The following N4BP2L2 variants were observed in gnomAD, a reference collection of about 807,000 sequenced individuals.
N4BP2L2 encodes the protein NEDD4-binding protein 2-like 2.
N4BP2L2 carries 50 observed loss-of-function variants against 56.2 expected under a neutral mutation model. The observed-to-expected ratio is 0.89, with a 90% CI of 0.71 to 1.13. The LOEUF (loss-of-function observed/expected upper bound fraction) is 1.13, where lower values mean the gene tolerates loss of function less well. N4BP2L2 is among the 50% of genes most tolerant of loss of function. N4BP2L2 has a pLI of 0.00. For missense variants in N4BP2L2, 689 were observed against 693.8 expected, an observed-to-expected ratio of 0.99 and a Z score of 0.08; for synonymous variants, 203 against 223.6, an observed-to-expected ratio of 0.91 and a Z score of 0.82.
chr13:32,529,718 T>A (rs1308760789), intron 2 of N4BP2L2, among the ~76,000 whole-genome samples: 7 of 150,408 alleles, frequency 4.7e-5, no homozygotes, highest in Non-Finnish European at 1.0e-4. Flanking sequence ...TAGCAGGTCA[T>A]TTCTTTTCTT....
upstream of N4BP2L2, chr13:32,538,834 G>A (rs1416913933): frequency 1.5e-5 from 15 of 985,476 alleles, no homozygotes; most frequent in South Asian, 6.6e-4. Context: ...CTAGGCGTTT[G>A]CGCCAGGCAT....
chr13:32,454,556 C>A (rs1342276939), intron 6 of N4BP2L2, among the ~76,000 whole-genome samples: 4 of 152,156 alleles, frequency 2.6e-5, no homozygotes, highest in Non-Finnish European at 4.4e-5. Flanking sequence ...TAGGAACAAT[C>A]ATTGACAAAG....
intron 4 of N4BP2L2, 185 bp from the exon 5 acceptor site, chr13:32,521,634 T>A (rs1444433476): frequency 1.4e-5 from 7 of 500,158 alleles, no homozygotes; most frequent in Non-Finnish European, 7.1e-6. Context: ...TTGATTACTA[T>A]TCTCAAGGAA....
At chr13:32,538,711 C>A (rs2057256680) in exon 1 of N4BP2L2, 1 of 985,440 alleles carries the variant, frequency 1.0e-6, no homozygotes. Flanking sequence ...AAAGCGGAGA[C>A]AGCACTAAAG....
At chr13:32,478,974 A>G (rs992009904) in intron 6 of N4BP2L2, 1 of 152,074 alleles carries the variant, frequency 6.6e-6, no homozygotes, top group African/African-American at 2.4e-5. Context: ...TACTAACAAT[A>G]CAAAAAAGAA....
Position 32,536,827 on chromosome 13 carries a change from A to C in N4BP2L2, c.201T>G (p.Tyr67Ter), listed in dbSNP as rs1356736561. ...TAGTTTTGATTTTGTTCTCCTGCAA[A>C]TAACTATGTCCTCTGACATCAATGA... Residue 67 changes from tyrosine to a stop codon, truncating the protein, a stop_gained, in exon 2 of 6, where the codon TAT becomes TAG. Transcript: ENST00000267068. LOFTEE classifies it high-confidence loss of function. The C allele has an allele frequency of 6.2e-7, 1 of 1,614,068 alleles. No individual in the cohort carries two copies. The highest frequency in any genetic ancestry group is 1.1e-5 in the South Asian group (1 of 91,076).
At chr13:32,479,840 C>T (rs982681498) in intron 6 of N4BP2L2, among the ~76,000 whole-genome samples, 4 of 151,562 alleles carry the variant, frequency 2.6e-5, no homozygotes, top group African/African-American at 7.3e-5. Flanking sequence ...AGAAGATCAA[C>T]AGACATATAA....
chr13:32,444,058 T>G, exon 7 of N4BP2L2: 1 of 1,595,182 alleles, frequency 6.3e-7, no homozygotes, highest in Non-Finnish European at 8.5e-7. Context: ...CTGCTTTTTG[T>G]TTCTTTTTCT....
chr13:32,446,213 G>A (rs1180209328), intron 6 of N4BP2L2: 2 of 455,610 alleles, frequency 4.4e-6, no homozygotes, highest in Non-Finnish European at 7.6e-6. Context: ...TGCTGCCCTT[G>A]TTTACACATT....
downstream of N4BP2L2, chr13:32,506,413 A>G (rs556137794): frequency 6.6e-6 from 1 of 152,256 alleles, no homozygotes; most frequent in East Asian, 1.9e-4. Context: ...GGGGATGGAT[A>G]ATTCATCCCA....
At chr13:32,467,224 T>C (rs1593611462) in intron 6 of N4BP2L2, among the ~76,000 whole-genome samples, 2 of 151,968 alleles carry the variant, frequency 1.3e-5, no homozygotes, top group African/African-American at 4.8e-5. Flanking sequence ...GTAGAATTTA[T>C]AGTCTTGGAA....
At chr13:32,449,907 G>GA (rs1453002430) in intron 6 of N4BP2L2, among the ~76,000 whole-genome samples, 1 of 152,206 alleles carries the variant, frequency 6.6e-6, no homozygotes, top group Non-Finnish European at 1.5e-5. Context: ...ATTGGAAGTG[G>GA]AAAAAAATTT....
chr13:32,464,736 T>C (rs1376827380), intron 6 of N4BP2L2, among the ~76,000 whole-genome samples: 1 of 151,812 alleles, frequency 6.6e-6, no homozygotes, highest in Non-Finnish European at 1.5e-5. Flanking sequence ...CTGACAAAAG[T>C]ACATCAAGAA....
At chr13:32,478,710 G>T (rs2083899321) in intron 6 of N4BP2L2, 1 of 152,284 alleles carries the variant, frequency 6.6e-6, no homozygotes, top group South Asian at 2.1e-4. Flanking sequence ...TTTTGCCACA[G>T]AAGGTCTGAG....
intron 8 of N4BP2L2, among the ~76,000 whole-genome samples, chr13:32,436,864 C>CTATTTATTTATT (rs71071041): frequency 1.9e-4 from 25 of 132,866 alleles, no homozygotes; most frequent in East Asian, 4.4e-4. Flanking sequence ...TAATATCTAT[C>CTATTTATTTATT]TATTTATTTA....
At chr13:32,434,071 T>A (rs923685716) in intron 9 of N4BP2L2, among the ~76,000 whole-genome samples, 1 of 151,654 alleles carries the variant, frequency 6.6e-6, no homozygotes, top group Non-Finnish European at 1.5e-5. Flanking sequence ...TTTGCACAGT[T>A]TTTTGTGTTT....
At chr13:32,523,566 T>C (rs2051665134) in intron 3 of N4BP2L2, 1 of 136,448 alleles carries the variant, frequency 7.3e-6, no homozygotes. Flanking sequence ...GCGCCTGTAA[T>C]CCCAGCTACT....
At chr13:32,518,638 G>C (rs755433011) in intron 5 of N4BP2L2, among the ~76,000 whole-genome samples, 1 of 151,938 alleles carries the variant, frequency 6.6e-6, no homozygotes, top group Non-Finnish European at 1.5e-5. Flanking sequence ...TAAGGCCAAA[G>C]ATATTATGGC....
intron 7 of N4BP2L2, among the ~76,000 whole-genome samples, chr13:32,441,260 T>G (rs2076285500): frequency 6.6e-6 from 1 of 152,190 alleles, no homozygotes; most frequent in Non-Finnish European, 1.5e-5. Flanking sequence ...AAAAGTAAAT[T>G]CAATTATTTC....
Sources: gnomAD v4.1 joint callset for allele counts (sites outside exome capture counted in the v4.1 genomes callset) on GRCh38, gnomAD v4.1.1 for gene constraint, MANE v1.5 for transcripts, NCBI Gene and HGNC (gene_info 2026-07-23, HGNC 2026-07-21) for gene names.